DOCK3: variants seen among roughly 807,000 people sequenced by gnomAD.
DOCK3 encodes dedicator of cytokinesis protein 3.
A neutral mutation model predicts 265.6 loss-of-function variants in DOCK3; 60 were observed. The ratio of observed to expected loss-of-function variants is 0.23; its 90% CI spans 0.18 to 0.28. DOCK3 has a LOEUF of 0.28. Ranked by LOEUF, DOCK3 falls within the 10% of genes least tolerant of loss-of-function variation. The pLI is 1.00. For missense variants in DOCK3, 1,981 were observed against 2,594.3 expected, an observed-to-expected ratio of 0.76 and a Z score of 5.14; for synonymous variants, 881 against 938.0, an observed-to-expected ratio of 0.94 and a Z score of 1.11.
chr3:51,150,715 T>C (rs1311235719), intron 10 of DOCK3, among the ~76,000 whole-genome samples: 1 of 152,234 alleles, frequency 6.6e-6, no homozygotes, highest in Non-Finnish European at 1.5e-5. Flanking sequence ...TTTATTGTGA[T>C]TTCTGTTCTT....
intron 14 of DOCK3, among the ~76,000 whole-genome samples, chr3:51,215,965 C>G (rs1378012745): frequency 6.7e-6 from 1 of 150,270 alleles, no homozygotes; most frequent in East Asian, 2.0e-4. Flanking sequence ...CAAGCATAGT[C>G]AGGCTTCTTG....
chr3:50,866,950 G>GT (rs1320435426), intron 3 of DOCK3, among the ~76,000 whole-genome samples: 3 of 152,084 alleles, frequency 2.0e-5, no homozygotes, highest in Admixed American at 2.0e-4. Context: ...TTTTAGGATT[G>GT]TTTTTTCTGT....
chr3:50,827,107 A>G (rs1450533759), intron 2 of DOCK3, among the ~76,000 whole-genome samples: 1 of 152,206 alleles, frequency 6.6e-6, no homozygotes, highest in East Asian at 1.9e-4. Context: ...GCATTCAACT[A>G]CAGGAAAAAG....
chr3:50,787,647 C>A, intron 2 of DOCK3: 1 of 1,301,384 alleles, frequency 7.7e-7, no homozygotes. Flanking sequence ...CTGCACTCTT[C>A]CTGCAACCTC....
At chr3:51,075,516 T>TAACATTA in intron 7 of DOCK3, 76 bp downstream of exon 7, 1 of 1,255,786 alleles carries the variant, frequency 8.0e-7, no homozygotes, top group Non-Finnish European at 1.1e-6. Flanking sequence ...TCTAATGTTA[T>TAACATTA]GAAACAACAT....
chr3:50,992,691 A>T (rs948647598), intron 5 of DOCK3, among the ~76,000 whole-genome samples: 5 of 152,216 alleles, frequency 3.3e-5, no homozygotes, highest in Admixed American at 2.0e-4. Flanking sequence ...GTAATTGGGA[A>T]TGATGAAGGG....
intron 5 of DOCK3, among the ~76,000 whole-genome samples, chr3:51,009,235 C>G (rs957066213): frequency 6.6e-6 from 1 of 152,080 alleles, no homozygotes; most frequent in African/African-American, 2.4e-5. Flanking sequence ...CGGCTGTGAA[C>G]CCATCTGGTC....
At chr3:51,049,018 C>T (rs1346873900) in intron 5 of DOCK3, among the ~76,000 whole-genome samples, 1 of 152,154 alleles carries the variant, frequency 6.6e-6, no homozygotes, top group Admixed American at 6.6e-5. Context: ...ACTTACAATG[C>T]TGTGTTTTGA....
intron 21 of DOCK3, among the ~76,000 whole-genome samples, chr3:51,242,681 A>G (rs1328607086): frequency 6.6e-6 from 1 of 152,100 alleles, no homozygotes; most frequent in African/African-American, 2.4e-5. Flanking sequence ...TATTCTCTGC[A>G]CAGTGTTAGA....
chr3:51,288,399 A>C (rs2081532482), intron 27 of DOCK3, among the ~76,000 whole-genome samples: 1 of 151,824 alleles, frequency 6.6e-6, no homozygotes, highest in South Asian at 2.1e-4. Context: ...CTCAAAAAAA[A>C]AAAAAAAAAA....
intron 3 of DOCK3, among the ~76,000 whole-genome samples, chr3:50,879,342 TAA>T (rs1356057321): frequency 1.3e-5 from 2 of 152,124 alleles, no homozygotes; most frequent in Non-Finnish European, 2.9e-5. Flanking sequence ...GCAAATTGCA[TAA>T]AGAGTCAAGA....
At chr3:51,075,670 G>A (rs1054731011) in intron 7 of DOCK3, among the ~76,000 whole-genome samples, 2 of 152,048 alleles carry the variant, frequency 1.3e-5, no homozygotes, top group Non-Finnish European at 2.9e-5. Context: ...TTACTTCTTT[G>A]TTGACTTTCT....
chr3:51,062,281 A>C (rs2081437124), intron 5 of DOCK3, among the ~76,000 whole-genome samples: 1 of 152,186 alleles, frequency 6.6e-6, no homozygotes, highest in African/African-American at 2.4e-5. Flanking sequence ...ATCTGTGTTT[A>C]ACCTGGTGCC....
At chr3:51,027,171 A>T (rs963652762) in intron 5 of DOCK3, among the ~76,000 whole-genome samples, 3 of 151,136 alleles carry the variant, frequency 2.0e-5, no homozygotes, top group African/African-American at 7.3e-5. Flanking sequence ...GTTTGAAATA[A>T]TTTTTTTTTG....
In DOCK3 at chr3:50,743,093, A is replaced by C. The variant is rs2039175209; in HGVS notation, c.38-35582A>C. ...CAGAATTTCATATCCAGCCAAACTA[A>C]GCTTCATAAGTGAAGGAGAAATAAA... On this transcript the variant is annotated intron_variant, in intron 1 of 52. Transcript: ENST00000266037. Among the ~76,000 whole-genome samples, 2 of 151,868 alleles carry C rather than the reference A, an allele frequency of 1.3e-5. 1 individual carries two copies. Among genetic ancestry groups the C allele is most frequent in the South Asian group, 4.2e-4 (2 of 4,800 alleles).
intron 5 of DOCK3, among the ~76,000 whole-genome samples, chr3:51,038,176 G>A (rs954592564): frequency 6.6e-6 from 1 of 152,120 alleles, no homozygotes; most frequent in African/African-American, 2.4e-5. Context: ...TATTAATCTG[G>A]CCAACTACTA....
intron 4 of DOCK3, among the ~76,000 whole-genome samples, chr3:50,930,239 A>G (rs904894319): frequency 5.9e-5 from 9 of 152,244 alleles, no homozygotes; most frequent in Admixed American, 6.5e-5. Context: ...TTCTGCATTA[A>G]TCTTAGTAAA....
chr3:50,779,456 T>A (rs1284297586), intron 2 of DOCK3, among the ~76,000 whole-genome samples: 1 of 152,168 alleles, frequency 6.6e-6, no homozygotes, highest in African/African-American at 2.4e-5. Context: ...CGATCTCAGC[T>A]CACTGCAACC....
intron 23 of DOCK3, among the ~76,000 whole-genome samples, chr3:51,261,869 T>A (rs2079868834): frequency 6.6e-6 from 1 of 152,078 alleles, no homozygotes; most frequent in Non-Finnish European, 1.5e-5. Flanking sequence ...TCTAGATTCC[T>A]CCTCTGTGGG....
Sources: gnomAD v4.1 joint callset for allele counts (sites outside exome capture counted in the v4.1 genomes callset) on GRCh38, gnomAD v4.1.1 for gene constraint, MANE v1.5 for transcripts, NCBI Gene and HGNC (gene_info 2026-07-23, HGNC 2026-07-21) for gene names.